The following IGSF11 variants were observed in gnomAD, a reference collection of about 807,000 sequenced individuals.
IGSF11 encodes CXADR like 1.
A neutral mutation model predicts 41.0 loss-of-function variants in IGSF11; 22 were observed. That is an observed-to-expected ratio of 0.54 (90% CI 0.38 to 0.77). The LOEUF (loss-of-function observed/expected upper bound fraction) is 0.77, where lower values mean the gene tolerates loss of function less well. Among genes scored for constraint, IGSF11 ranks in the 30% least tolerant of loss-of-function variants. The probability of loss-of-function intolerance (pLI) is 0.00; values close to 1 mark genes in which losing one functional copy is unlikely to be tolerated. For missense variants in IGSF11, 444 were observed against 530.8 expected, an observed-to-expected ratio of 0.84 and a Z score of 1.61; for synonymous variants, 219 against 201.3, an observed-to-expected ratio of 1.09 and a Z score of -0.74.
At chr3:118,946,462 G>A (rs1006240235) in intron 1 of IGSF11, among the ~76,000 whole-genome samples, 3 of 150,114 alleles carry the variant, frequency 2.0e-5, no homozygotes, top group Admixed American at 1.3e-4. Flanking sequence ...AAAAAAAGAA[G>A]AAGAAGAGGA....
chr3:119,066,311 T>C (rs1942231998), intron 1 of IGSF11, among the ~76,000 whole-genome samples: 1 of 152,190 alleles, frequency 6.6e-6, no homozygotes, highest in South Asian at 2.1e-4. Flanking sequence ...CCATTATACC[T>C]TGGTTTGCAA....
chr3:119,002,198 T>A (rs906670418), intron 1 of IGSF11, among the ~76,000 whole-genome samples: 7 of 135,866 alleles, frequency 5.2e-5, no homozygotes, highest in African/African-American at 9.2e-5. Flanking sequence ...ATAGTGGTTT[T>A]GATTTGCATT....
chr3:118,948,584 A>G (rs576485335), intron 1 of IGSF11, among the ~76,000 whole-genome samples: 1 of 152,300 alleles, frequency 6.6e-6, no homozygotes, highest in Admixed American at 6.5e-5. Context: ...ATGTCATAGT[A>G]AATACAGCCA....
At chr3:119,112,246 C>A (rs1367698078) in intron 1 of IGSF11, among the ~76,000 whole-genome samples, 1 of 152,224 alleles carries the variant, frequency 6.6e-6, no homozygotes, top group Non-Finnish European at 1.5e-5. Flanking sequence ...GTGGGCTCCA[C>A]CCAGCTCGAG....
At chr3:119,122,037 G>C (rs1429842557) in intron 1 of IGSF11, among the ~76,000 whole-genome samples, 2 of 151,872 alleles carry the variant, frequency 1.3e-5, no homozygotes, top group Admixed American at 1.3e-4. Flanking sequence ...CCCTCATGTA[G>C]GAACATCAAA....
At chr3:119,067,204 T>C (rs1466781408) in intron 1 of IGSF11, among the ~76,000 whole-genome samples, 1 of 152,212 alleles carries the variant, frequency 6.6e-6, no homozygotes, top group Non-Finnish European at 1.5e-5. Context: ...TACTAGCGTA[T>C]AGGATGAGTG....
intron 1 of IGSF11, among the ~76,000 whole-genome samples, chr3:118,990,490 A>G (rs1935688375): frequency 6.6e-6 from 1 of 152,224 alleles, no homozygotes; most frequent in African/African-American, 2.4e-5. Flanking sequence ...TAAAGATGCT[A>G]AGTAAGTTAA....
At chr3:118,966,222 C>T (rs768609296) in intron 1 of IGSF11, among the ~76,000 whole-genome samples, 3 of 152,150 alleles carry the variant, frequency 2.0e-5, no homozygotes, top group Non-Finnish European at 4.4e-5. Context: ...AGGGACCATA[C>T]AAATGTGTGG....
intron 1 of IGSF11, among the ~76,000 whole-genome samples, chr3:118,959,816 G>A (rs531669628): frequency 6.6e-6 from 1 of 152,212 alleles, no homozygotes; most frequent in South Asian, 2.1e-4. Context: ...GGGAGGCCAA[G>A]GCGGGCAGAT....
At position 118,921,928 on chromosome 3, in the gene IGSF11, C is replaced by G. The variant is rs144419925; in HGVS notation, c.580+4173G>C. 1.2e-4 allele frequency among the ~76,000 whole-genome samples: 18 copies of G among 151,894 alleles called. No individual in the cohort carries two copies. The East Asian group carries it at 3.3e-3, about 28-fold the overall frequency. On this transcript the variant is annotated intron_variant, in intron 4 of 6. Coordinates refer to ENST00000393775, the MANE Select transcript of IGSF11 (RefSeq NM_001015887.3). ...GAATCATCATGATGCCCAACTTATT[C>G]ATACTATTTCAAAGAATAGAAAAAA...
At position 118,939,732 on chromosome 3, in the gene IGSF11, A is replaced by C. The variant is rs1943539912; in HGVS notation, c.53-9457T>G. Among the ~76,000 whole-genome samples, 2 of 152,244 alleles carry C rather than the reference A, an allele frequency of 1.3e-5. 1 individual carries two copies. The highest frequency in any genetic ancestry group is 4.1e-4 in the South Asian group (2 of 4,834). ...TTACTTAGAGAAAAGTAACAGCAGC[A>C]TCTAAATGTGCATATTAGAAAAGAA... is the stretch of plus-strand genomic sequence containing the variant. On this transcript the variant is annotated intron_variant, in intron 1 of 6. Coordinates refer to ENST00000393775, the MANE Select transcript of IGSF11 (RefSeq NM_001015887.3).
intron 1 of IGSF11, among the ~76,000 whole-genome samples, chr3:118,992,646 G>A (rs1576578232): frequency 6.6e-6 from 1 of 152,110 alleles, no homozygotes; most frequent in East Asian, 1.9e-4. Flanking sequence ...GAAGTTTGCA[G>A]GCCCTTAATT....
chr3:119,055,703 T>C (rs1287271240), intron 1 of IGSF11, among the ~76,000 whole-genome samples: 2 of 152,116 alleles, frequency 1.3e-5, no homozygotes, highest in Non-Finnish European at 2.9e-5. Flanking sequence ...TATTTGAAAA[T>C]TGGCCACATA....
At chr3:118,985,425 G>A (rs144852753) in intron 1 of IGSF11, among the ~76,000 whole-genome samples, 9 of 152,206 alleles carry the variant, frequency 5.9e-5, no homozygotes, top group East Asian at 1.9e-4. Context: ...TGTTTCTAAC[G>A]TCACTGTCAT....
chr3:119,015,436 C>T (rs949724354), intron 1 of IGSF11, among the ~76,000 whole-genome samples: 1 of 152,062 alleles, frequency 6.6e-6, no homozygotes, highest in Non-Finnish European at 1.5e-5. Context: ...CTGGAGGACA[C>T]GAACTAAACT....
At chr3:119,109,322 G>A (rs1485382783), upstream of IGSF11, among the ~76,000 whole-genome samples, 2 of 151,686 alleles carry the variant, frequency 1.3e-5, no homozygotes, top group African/African-American at 4.8e-5. Flanking sequence ...TCTTCGGAGA[G>A]TGTATGTGTC....
chr3:118,931,703 T>C (rs181920057), intron 1 of IGSF11, among the ~76,000 whole-genome samples: 11 of 151,764 alleles, frequency 7.2e-5, no homozygotes, highest in Admixed American at 7.2e-4. Context: ...GTTCCTGTGA[T>C]GGTTGTACAA....
intron 1 of IGSF11, among the ~76,000 whole-genome samples, chr3:119,117,200 A>G (rs1273502542): frequency 6.6e-6 from 1 of 152,028 alleles, no homozygotes. Flanking sequence ...AAGTTATCAA[A>G]AAAAAAAAAA....
intron 1 of IGSF11, among the ~76,000 whole-genome samples, chr3:119,118,046 G>A (rs1302344791): frequency 1.3e-5 from 2 of 152,142 alleles, no homozygotes; most frequent in African/African-American, 4.8e-5. Flanking sequence ...TGCTTTCACG[G>A]GCTGGCATTG....
Sources: allele counts gnomAD v4.1 joint callset (sites outside exome capture counted in the v4.1 genomes callset), GRCh38; gene constraint gnomAD v4.1.1; transcripts MANE v1.5; gene names NCBI Gene and HGNC (gene_info 2026-07-23, HGNC 2026-07-21).